The following BNC2 variants were observed in gnomAD, a reference collection of about 807,000 sequenced individuals.
BNC2 encodes the protein zinc finger protein basonuclin-2.
BNC2 carries 20 observed loss-of-function variants against 76.3 expected under a neutral mutation model. The observed-to-expected ratio is 0.26, with a 90% CI of 0.18 to 0.38. The LOEUF is 0.38. Ranked by LOEUF, BNC2 falls within the 10% of genes least tolerant of loss-of-function variation. BNC2 has a pLI of 1.00. For synonymous variants in BNC2, 582 were observed against 514.8 expected (o/e 1.13, Z -1.77); for missense variants, 1,382 against 1,399.8 (o/e 0.99, Z 0.20).
intron 3 of BNC2, among the ~76,000 whole-genome samples, chr9:16,693,909 T>C (rs1046956745): frequency 6.6e-6 from 1 of 152,208 alleles, no homozygotes; most frequent in Non-Finnish European, 1.5e-5. Flanking sequence ...CCAGGTCAAC[T>C]TGAACTCAGC....
At chr9:16,420,522 C>G (rs1399109601) in intron 6 of BNC2, among the ~76,000 whole-genome samples, 2 of 151,978 alleles carry the variant, frequency 1.3e-5, no homozygotes, top group Admixed American at 1.3e-4. Flanking sequence ...AGAAAGAAAA[C>G]TCAGAGGTAC....
At chr9:16,749,249 T>A (rs1825107770) in intron 1 of BNC2, among the ~76,000 whole-genome samples, 1 of 152,080 alleles carries the variant, frequency 6.6e-6, no homozygotes. Context: ...AAGATGTAAA[T>A]AAGCACTCTC....
chr9:16,468,040 CTT>C (rs748053541), intron 5 of BNC2, among the ~76,000 whole-genome samples: 221 of 129,528 alleles, frequency 1.7e-3, no homozygotes, highest in African/African-American at 6.1e-3. Context: ...CTTTCTTTCT[CTT>C]TTTTTTTTTT....
intron 1 of BNC2, among the ~76,000 whole-genome samples, chr9:16,807,190 G>T (rs915043395): frequency 6.6e-6 from 1 of 151,792 alleles, no homozygotes; most frequent in Admixed American, 6.6e-5. Context: ...TACCATTCTG[G>T]GACAATAAAA....
chr9:16,615,623 A>T (rs932527705), intron 3 of BNC2, among the ~76,000 whole-genome samples: 2 of 152,172 alleles, frequency 1.3e-5, no homozygotes, highest in African/African-American at 4.8e-5. Flanking sequence ...TCCATTCTTC[A>T]TCGAACCTAT....
At chr9:16,548,643 G>C (rs370692880) in intron 5 of BNC2, among the ~76,000 whole-genome samples, 4 of 152,126 alleles carry the variant, frequency 2.6e-5, no homozygotes, top group African/African-American at 9.7e-5. Context: ...GACCTCAAGT[G>C]ATCTGCCCGC....
intron 3 of BNC2, among the ~76,000 whole-genome samples, chr9:16,633,705 C>T (rs536424904): frequency 5.2e-4 from 79 of 152,222 alleles, no homozygotes; most frequent in Non-Finnish European, 9.9e-4. Flanking sequence ...ATCGTAACAT[C>T]GTGACAATGT....
At chr9:16,454,057 A>C (rs1821396060) in intron 5 of BNC2, among the ~76,000 whole-genome samples, 1 of 152,122 alleles carries the variant, frequency 6.6e-6, no homozygotes. Flanking sequence ...CTGCTGGGGA[A>C]TCATTTGTGG....
intron 5 of BNC2, among the ~76,000 whole-genome samples, chr9:16,511,420 CTTTTTT>C (rs758039548): frequency 3.0e-4 from 21 of 69,494 alleles, no homozygotes; most frequent in African/African-American, 1.2e-3. Flanking sequence ...AATAAATTTA[CTTTTTT>C]TTTTTTTTTT....
At chr9:16,822,708 G>A (rs1202917313) in intron 1 of BNC2, among the ~76,000 whole-genome samples, 2 of 152,188 alleles carry the variant, frequency 1.3e-5, no homozygotes, top group African/African-American at 4.8e-5. Context: ...TTTAAAAGCT[G>A]TGTGACAAGT....
At chr9:16,437,789 G>A (rs1382517249) in intron 5 of BNC2, among the ~76,000 whole-genome samples, 1 of 152,148 alleles carries the variant, frequency 6.6e-6, no homozygotes, top group Non-Finnish European at 1.5e-5. Context: ...GGGGCTCTGT[G>A]ATCTAAAATG....
chr9:16,839,938 C>T (rs1029592698), intron 1 of BNC2, among the ~76,000 whole-genome samples: 1 of 152,228 alleles, frequency 6.6e-6, no homozygotes, highest in Non-Finnish European at 1.5e-5. Context: ...AATCCCAGAA[C>T]TCCTTCCAAT....
intron 6 of BNC2, among the ~76,000 whole-genome samples, chr9:16,432,739 G>A (rs747779407): frequency 3.9e-5 from 6 of 152,154 alleles, no homozygotes; most frequent in Non-Finnish European, 8.8e-5. Flanking sequence ...GAAAGAAATG[G>A]GCCTGAGGAC....
At chr9:16,829,883 T>C (rs951330711) in intron 1 of BNC2, among the ~76,000 whole-genome samples, 28 of 152,016 alleles carry the variant, frequency 1.8e-4, no homozygotes, top group African/African-American at 4.8e-4. Flanking sequence ...CTAAAGAAAA[T>C]AGAAAACACT....
intron 1 of BNC2, among the ~76,000 whole-genome samples, chr9:16,855,491 C>T (rs1472352411): frequency 1.3e-5 from 2 of 152,228 alleles, no homozygotes; most frequent in African/African-American, 4.8e-5. Context: ...CCCATGCCTA[C>T]GCCAAATGTA....
chr9:16,821,390 T>C (rs1818325938), intron 1 of BNC2, among the ~76,000 whole-genome samples: 1 of 152,228 alleles, frequency 6.6e-6, no homozygotes, highest in African/African-American at 2.4e-5. Context: ...GTTATTTGTT[T>C]GCTTTAATAA....
In BNC2 at chr9:16,416,537, C is replaced by G. The variant is rs908944430; in HGVS notation, c.*2452G>C. On this transcript the variant is annotated 3_prime_UTR_variant, in exon 7 of 7. Transcript: ENST00000380672. ...CAACACCAAAATAAAGCAATTAAGA[C>G]TTTGGGGAATTCAAAGTACAAGAAA... is the stretch of plus-strand genomic sequence containing the variant. 5 of 152,590 alleles carry G rather than the reference C, an allele frequency of 3.3e-5. No homozygotes were observed. The highest frequency in any genetic ancestry group is 7.2e-5 in the African/African-American group (3 of 41,458). 9.5% of individuals were successfully genotyped at this position (152,590 alleles called of 1,614,324 possible).
At chr9:16,734,262 T>C (rs1001901373) in intron 2 of BNC2, among the ~76,000 whole-genome samples, 5 of 152,220 alleles carry the variant, frequency 3.3e-5, no homozygotes, top group African/African-American at 1.2e-4. Flanking sequence ...ACCTATCTGC[T>C]TCTGTACGTC....
At chr9:16,617,785 T>A (rs1820753099) in intron 3 of BNC2, among the ~76,000 whole-genome samples, 1 of 152,220 alleles carries the variant, frequency 6.6e-6, no homozygotes, top group South Asian at 2.1e-4. Context: ...ATTCATTAAA[T>A]CCTCACAATT....
Sources: allele counts gnomAD v4.1 joint callset (sites outside exome capture counted in the v4.1 genomes callset), GRCh38; gene constraint gnomAD v4.1.1; transcripts MANE v1.5; gene names NCBI Gene and HGNC (gene_info 2026-07-23, HGNC 2026-07-21).